Variants in NRXN2 observed in about 807,000 individuals in gnomAD.
NRXN2 encodes the protein neurexin-2-beta.
Under a neutral mutation model 128.8 loss-of-function variants are expected in NRXN2, and 29 were observed. That is an observed-to-expected ratio of 0.23 (90% CI 0.17 to 0.31). NRXN2 has a LOEUF of 0.31. NRXN2 is among the 10% of genes least tolerant of loss of function. NRXN2 has a pLI of 1.00. For missense variants in NRXN2, 1,881 were observed against 2,452.6 expected (o/e 0.77, Z 4.92); for synonymous variants, 1,098 against 1,075.2 (o/e 1.02, Z -0.41).
intron 2 of NRXN2, among the ~76,000 whole-genome samples, chr11:64,705,022 G>A (rs1381557109): frequency 6.6e-6 from 1 of 152,166 alleles, no homozygotes; most frequent in African/African-American, 2.4e-5. Context: ...CAAGGACTTG[G>A]AAAACTGAGA....
intron 2 of NRXN2, among the ~76,000 whole-genome samples, chr11:64,709,618 G>C (rs1249720240): frequency 2.6e-5 from 4 of 151,998 alleles, no homozygotes; most frequent in Non-Finnish European, 5.9e-5. Context: ...ATACATACAT[G>C]TTTTCATATG....
Position 64,658,171 on chromosome 11 carries a change from C to A in NRXN2, c.2389+2161G>T, listed in dbSNP as rs887547644. ...AAGCAAAATGCATCTGCCTTCCCTGCAGATCCAAGGCCCCAGATTTTTCCT... is the reference window on the plus strand; with the variant it reads ...AAGCAAAATGCATCTGCCTTCCCTGAAGATCCAAGGCCCCAGATTTTTCCT... On this transcript the variant is annotated intron_variant, in intron 11 of 22. Coordinates refer to ENST00000265459, the MANE Select transcript of NRXN2 (RefSeq NM_015080.4). Among the ~76,000 whole-genome samples, 3 of 152,206 alleles carry A rather than the reference C, an allele frequency of 2.0e-5. No homozygotes were observed. The South Asian group carries it at 6.2e-4, about 31-fold the overall frequency.
chr11:64,720,042 T>C (rs1219175174), intron 1 of NRXN2, among the ~76,000 whole-genome samples: 1 of 152,242 alleles, frequency 6.6e-6, no homozygotes, highest in East Asian at 1.9e-4. Flanking sequence ...ATTGCCATCA[T>C]TGTCCTCTCA....
At chr11:64,642,495 GC>G in intron 17 of NRXN2, 4 of 1,581,510 alleles carry the variant, frequency 2.5e-6, no homozygotes, top group African/African-American at 1.4e-5. Context: ...AGCGCCCCCC[GC>G]CCCCGGGCCA....
intron 2 of NRXN2, among the ~76,000 whole-genome samples, chr11:64,700,281 G>A (rs575162873): frequency 3.9e-5 from 6 of 152,216 alleles, no homozygotes; most frequent in East Asian, 3.9e-4. Flanking sequence ...GCAATTGCTC[G>A]TCCAACTCTC....
chr11:64,694,860 G>A (rs2135594923), intron 3 of NRXN2, among the ~76,000 whole-genome samples: 1 of 152,198 alleles, frequency 6.6e-6, no homozygotes, highest in Middle Eastern at 3.4e-3. Context: ...CCCACCCCCA[G>A]CCCAGGAGCC....
intron 19 of NRXN2, among the ~76,000 whole-genome samples, chr11:64,628,896 C>T (rs753291108): frequency 1.3e-4 from 20 of 152,138 alleles, no homozygotes; most frequent in Admixed American, 4.6e-4. Flanking sequence ...CTCTGCAGAG[C>T]TGTTTTTTCA....
intron 1 of NRXN2, among the ~76,000 whole-genome samples, chr11:64,717,593 C>T (rs2057335902): frequency 6.6e-6 from 1 of 152,230 alleles, no homozygotes. Context: ...CTCCCGATAA[C>T]TCTTCCTGGG....
rs182078556 is a variant in NRXN2, at chr11:64,664,840, A to T, written c.1798+2410T>A. Among the ~76,000 whole-genome samples the T allele has an allele frequency of 1.1e-3, 166 of 151,530 alleles. 1 individual carries two copies. The highest frequency in any genetic ancestry group is 3.8e-3 in the African/African-American group (156 of 41,296). ...CCCCGTCTCCACTAAAAATACAAAA[A>T]TTAGCCAGGTGTGGTGGCATGCCCC... On this transcript the variant is annotated intron_variant, in intron 9 of 22. Transcript: ENST00000265459.
chr11:64,645,228 C>T (rs1216492414), intron 17 of NRXN2, among the ~76,000 whole-genome samples: 1 of 151,872 alleles, frequency 6.6e-6, no homozygotes, highest in Non-Finnish European at 1.5e-5. Flanking sequence ...TATGGTTCCA[C>T]AGGGAGGGAG....
At chr11:64,683,510 C>T (rs754497643) in intron 6 of NRXN2, among the ~76,000 whole-genome samples, 2 of 151,826 alleles carry the variant, frequency 1.3e-5, no homozygotes, top group East Asian at 1.9e-4. Context: ...ATCCCAGCTA[C>T]GCGGGAGGCT....
intron 22 of NRXN2, among the ~76,000 whole-genome samples, chr11:64,614,347 A>G (rs2041132953): frequency 6.6e-6 from 1 of 152,204 alleles, no homozygotes; most frequent in Non-Finnish European, 1.5e-5. Context: ...GAAATAAATG[A>G]GGCTTGAGAA....
intron 11 of NRXN2, among the ~76,000 whole-genome samples, chr11:64,659,075 T>C (rs1258985684): frequency 6.6e-6 from 1 of 152,240 alleles, no homozygotes; most frequent in African/African-American, 2.4e-5. Flanking sequence ...TCGAGGATTC[T>C]AACCTGCTCA....
rs202026154 is a variant in NRXN2, at chr11:64,691,230, CCCTGGAGCTCAG to C, written c.779-766_779-755del. On this transcript the variant is annotated intron_variant, in intron 4 of 22. Transcript: ENST00000265459. ...GGCTGTGCAAGTCAAAGGAGATCCT[CCCTGGAGCTCAG>C]CCTGGATGTGGGCAAGCCCTTTCTC... Among the ~76,000 whole-genome samples the C allele has an allele frequency of 3.3e-3, 507 of 152,338 alleles. 3 individuals carry two copies. Among genetic ancestry groups the C allele is most frequent in the African/African-American group, 0.011 (462 of 41,572 alleles).
intron 19 of NRXN2, among the ~76,000 whole-genome samples, chr11:64,629,254 A>G (rs2043518077): frequency 6.6e-6 from 1 of 152,134 alleles, no homozygotes; most frequent in East Asian, 1.9e-4. Flanking sequence ...CCTGTGTGTG[A>G]CTGCAATGTC....
In NRXN2 at chr11:64,661,051, G is replaced by A. The variant is rs763704771; in HGVS notation, c.1887C>T (p.Gly629=). 2.2e-5 allele frequency: 35 copies of A among 1,613,348 alleles called. 2 individuals carry two copies. In the Admixed American group the frequency reaches 2.3e-4, roughly 11 times the overall value. The change falls in exon 10 of 23, where the codon GGC becomes GGT. Residue 629 remains glycine, a synonymous_variant. Transcript: ENST00000265459. The stretch of plus-strand genomic sequence containing the variant: ...CCACCCGGCCCCCCTCAGGGAGACC[G>A]CCCAGGTACAGCTCACTCTCCAGGT... ...ILDLESELYL[G]GLPEGGRVDL... is the part of the protein sequence containing the mutation.
intron 18 of NRXN2, among the ~76,000 whole-genome samples, chr11:64,633,387 C>T (rs1421716861): frequency 6.6e-6 from 1 of 152,230 alleles, no homozygotes; most frequent in Non-Finnish European, 1.5e-5. Flanking sequence ...AACCTCCAAA[C>T]ATCCCTCTGT....
At chr11:64,712,201 C>T (rs1565476024) in intron 2 of NRXN2, among the ~76,000 whole-genome samples, 2 of 151,828 alleles carry the variant, frequency 1.3e-5, no homozygotes, top group Admixed American at 1.3e-4. Flanking sequence ...GCCCCGCCCC[C>T]TGTCTCACAG....
chr11:64,610,274 T>C (rs1489054913), intron 22 of NRXN2, among the ~76,000 whole-genome samples: 1 of 152,050 alleles, frequency 6.6e-6, no homozygotes, highest in East Asian at 1.9e-4. Context: ...AGTGAAAAAC[T>C]TTGAGCTACG....
Sources: allele counts gnomAD v4.1 joint callset (sites outside exome capture counted in the v4.1 genomes callset), GRCh38; gene constraint gnomAD v4.1.1; transcripts MANE v1.5; gene names NCBI Gene and HGNC (gene_info 2026-07-23, HGNC 2026-07-21).